Variants in RIMS2 observed in about 807,000 individuals in gnomAD.
The protein encoded by RIMS2 is regulating synaptic membrane exocytosis 2, also known as regulating synaptic membrane exocytosis protein 2.
A neutral mutation model predicts 174.4 loss-of-function variants in RIMS2; 59 were observed. That is an observed-to-expected ratio of 0.34 (90% CI 0.27 to 0.42). RIMS2 has a LOEUF of 0.42. Among genes scored for constraint, RIMS2 ranks in the 10% least tolerant of loss-of-function variants. The pLI is 1.00. For missense variants in RIMS2, 1,620 were observed against 1,666.3 expected, an observed-to-expected ratio of 0.97 and a Z score of 0.48; for synonymous variants, 606 against 572.5, an observed-to-expected ratio of 1.06 and a Z score of -0.84.
At chr8:103,962,561 A>T (rs2090482158) in intron 15 of RIMS2, among the ~76,000 whole-genome samples, 1 of 152,188 alleles carries the variant, frequency 6.6e-6, no homozygotes, top group South Asian at 2.1e-4. Flanking sequence ...TTTGAAATCC[A>T]ATGCGATTTT....
At chr8:104,230,020 C>T (rs2099215902) in intron 19 of RIMS2, among the ~76,000 whole-genome samples, 1 of 152,268 alleles carries the variant, frequency 6.6e-6, no homozygotes, top group Non-Finnish European at 1.5e-5. Context: ...TGGCTCACAC[C>T]TGTAATCCCA....
At chr8:104,031,156 TATAA>T (rs1421247174) in intron 19 of RIMS2, among the ~76,000 whole-genome samples, 1 of 152,140 alleles carries the variant, frequency 6.6e-6, no homozygotes, top group Non-Finnish European at 1.5e-5. Context: ...TCTCATAGCA[TATAA>T]ATGTTTGTCA....
Position 103,522,369 on chromosome 8 carries a change from G to A in RIMS2, c.176+21307G>A, listed in dbSNP as rs1832137925. Among the ~76,000 whole-genome samples, 3 of 152,056 alleles carry A rather than the reference G, an allele frequency of 2.0e-5. No individual in the cohort carries two copies. In the South Asian group the frequency reaches 6.2e-4, roughly 32 times the overall value. Reference sequence around the variant, plus strand: ...GATACTTTGATTAACAATTCTTCGAGGATATAGCTCCTTTAAAATAGCCTC... The same window carrying A: ...GATACTTTGATTAACAATTCTTCGAAGATATAGCTCCTTTAAAATAGCCTC... On this transcript the variant is annotated intron_variant, in intron 1 of 23. Transcript: ENST00000504942.
intron 14 of RIMS2, among the ~76,000 whole-genome samples, chr8:103,946,204 A>G (rs115913986): frequency 0.011 from 1,681 of 152,300 alleles, 41 homozygotes; most frequent in African/African-American, 0.038. Context: ...TTAAGAAAAC[A>G]TTTTTGACCA....
intron 2 of RIMS2, among the ~76,000 whole-genome samples, chr8:103,744,498 A>G (rs749652033): frequency 3.9e-5 from 6 of 152,130 alleles, no homozygotes; most frequent in Non-Finnish European, 5.9e-5. Flanking sequence ...TTATGGAACA[A>G]TTTACTTAAG....
At chr8:103,574,691 T>G (rs750968631) in intron 1 of RIMS2, among the ~76,000 whole-genome samples, 1 of 152,192 alleles carries the variant, frequency 6.6e-6, no homozygotes, top group East Asian at 1.9e-4. Flanking sequence ...GAGTGGTACT[T>G]GGCTGGTAGA....
intron 19 of RIMS2, among the ~76,000 whole-genome samples, chr8:104,058,820 TA>T (rs2096922303): frequency 6.6e-6 from 1 of 152,246 alleles, no homozygotes; most frequent in South Asian, 2.1e-4. Flanking sequence ...ATTTATTAAA[TA>T]GGGAATCCTT....
At chr8:103,623,608 C>G (rs1335772806) in intron 1 of RIMS2, among the ~76,000 whole-genome samples, 3 of 150,882 alleles carry the variant, frequency 2.0e-5, no homozygotes, top group Non-Finnish European at 4.4e-5. Flanking sequence ...CCTCAGCCTC[C>G]CGAGTAGCTG....
At chr8:103,804,739 AT>A (rs1413304628) in intron 3 of RIMS2, among the ~76,000 whole-genome samples, 1 of 152,136 alleles carries the variant, frequency 6.6e-6, no homozygotes, top group Non-Finnish European at 1.5e-5. Flanking sequence ...GAGAGATTTG[AT>A]TTAAAACCCA....
At chr8:103,774,280 A>G (rs2098286774) in intron 3 of RIMS2, among the ~76,000 whole-genome samples, 1 of 152,248 alleles carries the variant, frequency 6.6e-6, no homozygotes, top group African/African-American at 2.4e-5. Flanking sequence ...TTTCTTATAA[A>G]ATTAAATATG....
chr8:103,532,750 C>CA (rs1405906866), intron 1 of RIMS2, among the ~76,000 whole-genome samples: 2 of 152,240 alleles, frequency 1.3e-5, no homozygotes, highest in Admixed American at 1.3e-4. Context: ...AGTTACAACT[C>CA]AACAGCATTT....
chr8:104,097,428 T>C (rs35426233), intron 19 of RIMS2, among the ~76,000 whole-genome samples: 35,761 of 152,092 alleles, frequency 0.24, 4,505 homozygotes, highest in African/African-American at 0.33. Flanking sequence ...TGGCATCATA[T>C]CATTTCTGAC....
chr8:103,731,907 A>G (rs1276465876), intron 2 of RIMS2, among the ~76,000 whole-genome samples: 1 of 152,144 alleles, frequency 6.6e-6, no homozygotes, highest in Non-Finnish European at 1.5e-5. Flanking sequence ...TGAATTTTCT[A>G]TATGAAAGGT....
intron 19 of RIMS2, among the ~76,000 whole-genome samples, chr8:104,046,624 T>G (rs145716894): frequency 1.8e-4 from 28 of 152,214 alleles, no homozygotes; most frequent in African/African-American, 6.7e-4. Flanking sequence ...TTCCAAAATC[T>G]TCATTATTAT....
chr8:103,969,923 A>T (rs565018923), intron 15 of RIMS2, among the ~76,000 whole-genome samples: 296 of 151,840 alleles, frequency 1.9e-3, no homozygotes, highest in Non-Finnish European at 2.0e-3. Context: ...TTATTTTTGT[A>T]TTTTTTAGTA....
At chr8:103,658,366 C>G (rs918877896) in intron 1 of RIMS2, among the ~76,000 whole-genome samples, 1 of 152,084 alleles carries the variant, frequency 6.6e-6, no homozygotes, top group Admixed American at 6.5e-5. Context: ...TTCTGAGAAG[C>G]CTTTAGTTGA....
intron 1 of RIMS2, among the ~76,000 whole-genome samples, chr8:103,513,931 TTTACTC>T (rs2129789102): frequency 6.6e-6 from 1 of 152,278 alleles, no homozygotes; most frequent in East Asian, 1.9e-4. Context: ...CAATTTAAAT[TTTACTC>T]TTTCCAGAAA....
chr8:104,145,711 A>AAATAAATAAATAAATT (rs1274276098), intron 19 of RIMS2, among the ~76,000 whole-genome samples: 9 of 150,866 alleles, frequency 6.0e-5, no homozygotes, highest in African/African-American at 1.7e-4. Flanking sequence ...ATAAATAAAT[A>AAATAAATAAATAAATT]AATTCGCCGG....
At chr8:103,758,762 G>A (rs750459340) in intron 2 of RIMS2, among the ~76,000 whole-genome samples, 1 of 152,178 alleles carries the variant, frequency 6.6e-6, no homozygotes, top group East Asian at 1.9e-4. Flanking sequence ...TTTAGCAGAA[G>A]AAAGGTTAAA....
Sources: allele counts gnomAD v4.1 joint callset (sites outside exome capture counted in the v4.1 genomes callset), GRCh38; gene constraint gnomAD v4.1.1; transcripts MANE v1.5; gene names NCBI Gene and HGNC (gene_info 2026-07-23, HGNC 2026-07-21).